Variants in TTC9 observed in about 807,000 individuals in gnomAD.
TTC9 encodes tetratricopeptide repeat protein 9A.
TTC9 carries 13 observed loss-of-function variants against 22.9 expected under a neutral mutation model. The observed-to-expected ratio is 0.57, with a 90% CI of 0.37 to 0.90. TTC9 has a LOEUF of 0.90. TTC9 is among the 40% of genes least tolerant of loss of function. The pLI, the probability that TTC9 is intolerant of heterozygous loss-of-function variation, is 0.01. For synonymous variants in TTC9, 148 were observed against 133.2 expected, an observed-to-expected ratio of 1.11 and a Z score of -0.77; for missense variants, 280 against 291.8, an observed-to-expected ratio of 0.96 and a Z score of 0.29.
chr14:70,642,583 GGTCC>G (rs1566693287), intron 1 of TTC9, 48 bp downstream of exon 1: 16 of 1,464,678 alleles, frequency 1.1e-5, no homozygotes, highest in Admixed American at 2.2e-5. Flanking sequence ...TCTTCGGCCC[GGTCC>G]CTCCGCGGAC....
rs1252468296 is a variant in TTC9 at position 70,675,100 on chromosome 14, G to T, written c.*3945G>T. 1 of 152,078 alleles carries T rather than the reference G, an allele frequency of 6.6e-6. No individual in the cohort carries two copies. Among genetic ancestry groups the T allele is most frequent in the African/African-American group, 2.4e-5 (1 of 41,402 alleles). 9.4% of individuals were successfully genotyped at this position (152,078 alleles called of 1,614,324 possible). On this transcript the variant is annotated 3_prime_UTR_variant, in exon 3 of 3. Coordinates refer to ENST00000256367, the MANE Select transcript of TTC9 (RefSeq NM_015351.2). ...CACTTATCAAATCTTTCCCAATTTGGTAGCTGGGATAATAGTATGTCAATG... is the reference window on the plus strand; with the variant it reads ...CACTTATCAAATCTTTCCCAATTTGTTAGCTGGGATAATAGTATGTCAATG...
At chr14:70,668,427 C>G (rs1886245445) in intron 2 of TTC9, among the ~76,000 whole-genome samples, 1 of 152,102 alleles carries the variant, frequency 6.6e-6, no homozygotes, top group Non-Finnish European at 1.5e-5. Context: ...GGGACAGAAC[C>G]CAGGGAGGGG....
chr14:70,643,997 C>T (rs1317614582), intron 1 of TTC9, among the ~76,000 whole-genome samples: 1 of 152,134 alleles, frequency 6.6e-6, no homozygotes, highest in Non-Finnish European at 1.5e-5. Flanking sequence ...AGCTTGAGTC[C>T]TTTAGTTCCT....
intron 1 of TTC9, among the ~76,000 whole-genome samples, chr14:70,649,067 T>C (rs1165083868): frequency 1.3e-5 from 2 of 152,154 alleles, no homozygotes; most frequent in Non-Finnish European, 2.9e-5. Flanking sequence ...CCTATATAGG[T>C]ACATGGATTC....
At chr14:70,669,906 GGTGTGT>G (rs1566702979) in intron 2 of TTC9, among the ~76,000 whole-genome samples, 1 of 152,204 alleles carries the variant, frequency 6.6e-6, no homozygotes, top group East Asian at 1.9e-4. Context: ...CTTATGTTAT[GGTGTGT>G]GTGGAACTTA....
rs184025656 is a variant in TTC9, at chr14:70,643,377, G to C, written c.406+842G>C. On this transcript the variant is annotated intron_variant, in intron 1 of 2. Coordinates refer to ENST00000256367, the MANE Select transcript of TTC9 (RefSeq NM_015351.2). ...TAAAAATTGTTTAATTTAGGCGCAG[G>C]AATATTTAAAGTCTCTTAAAAAAAG... 1.2e-4 allele frequency among the ~76,000 whole-genome samples: 18 copies of C among 152,278 alleles called. 1 individual carries two copies. In the East Asian group the frequency reaches 3.3e-3, roughly 28 times the overall value.
chr14:70,641,950 T>G lies in TTC9; in HGVS notation c.-180T>G. ...GGCGGCGGCGGCGGCTGGAGCAGCC[T>G]CTGGCAGCAGCGGGGAGAATGGGAG... On this transcript the variant is annotated 5_prime_UTR_variant, in exon 1 of 3. Coordinates refer to ENST00000256367, the MANE Select transcript of TTC9 (RefSeq NM_015351.2). The G allele has an allele frequency of 4.0e-6, 1 of 250,386 alleles. No individual in the cohort carries two copies. Among genetic ancestry groups the G allele is most frequent in the Non-Finnish European group, 6.3e-6 (1 of 157,866 alleles). 15.5% of individuals were successfully genotyped at this position (250,386 alleles called of 1,614,324 possible).
At chr14:70,650,823 ATTTT>A (rs1471795806) in intron 1 of TTC9, among the ~76,000 whole-genome samples, 2 of 135,670 alleles carry the variant, frequency 1.5e-5, no homozygotes, top group African/African-American at 5.1e-5. Context: ...CTTTAATATG[ATTTT>A]CTTTGTGTAG....
At chr14:70,649,924 A>G (rs1885956049) in intron 1 of TTC9, among the ~76,000 whole-genome samples, 1 of 152,308 alleles carries the variant, frequency 6.6e-6, no homozygotes, top group South Asian at 2.1e-4. Flanking sequence ...CTGCCATGTC[A>G]GTAGGAAGGT....
intron 2 of TTC9, among the ~76,000 whole-genome samples, chr14:70,669,248 C>T (rs1886257800): frequency 6.6e-6 from 1 of 151,966 alleles, no homozygotes; most frequent in Non-Finnish European, 1.5e-5. Context: ...ACAACTTTGA[C>T]TTGATGTTGC....
chr14:70,671,357 A>T lies in TTC9; in HGVS notation c.*202A>T, dbSNP rs888224352. 13 of 496,420 alleles carry T rather than the reference A, an allele frequency of 2.6e-5. No individual in the cohort carries two copies. Among genetic ancestry groups the T allele is most frequent in the African/African-American group, 2.5e-4 (13 of 51,358 alleles). The allele number at this position is 496,420 out of a possible 1,614,324, so 30.8% of individuals were successfully genotyped here. Reference sequence around the variant, plus strand: ...ATTTGGAATCTGGTAGGTCGCCCAGACAATGGAGACATCCTCTCCTCTAGC... The same window carrying T: ...ATTTGGAATCTGGTAGGTCGCCCAGTCAATGGAGACATCCTCTCCTCTAGC... On this transcript the variant is annotated 3_prime_UTR_variant, in exon 3 of 3. Transcript: ENST00000256367.
At chr14:70,662,791 G>A (rs1477422953) in intron 1 of TTC9, among the ~76,000 whole-genome samples, 1 of 152,204 alleles carries the variant, frequency 6.6e-6, no homozygotes, top group Non-Finnish European at 1.5e-5. Flanking sequence ...ACCGATGCAT[G>A]CCAAATGGCA....
At chr14:70,656,977 T>G (rs1291335177) in intron 1 of TTC9, among the ~76,000 whole-genome samples, 42 of 152,240 alleles carry the variant, frequency 2.8e-4, no homozygotes, top group Admixed American at 2.7e-3. Flanking sequence ...CTTCTAAGTG[T>G]TCTGCCATAG....
chr14:70,660,995 G>C (rs1886137748), intron 1 of TTC9, among the ~76,000 whole-genome samples: 1 of 151,996 alleles, frequency 6.6e-6, no homozygotes, highest in African/African-American at 2.4e-5. Flanking sequence ...CACACACTGG[G>C]TGACTTAAAA....
chr14:70,668,398 G>GA (rs1295744150), intron 2 of TTC9, among the ~76,000 whole-genome samples: 4 of 151,834 alleles, frequency 2.6e-5, no homozygotes, highest in African/African-American at 7.3e-5. Flanking sequence ...TTGTAAGTGG[G>GA]AAAAAAAAGT....
chr14:70,642,451 G>A lies in TTC9; in HGVS notation c.322G>A (p.Gly108Arg), dbSNP rs1357142176. 3.8e-6 allele frequency: 6 copies of A among 1,559,546 alleles called. No individual in the cohort carries two copies. Among genetic ancestry groups the A allele is most frequent in the Non-Finnish European group, 5.2e-6 (6 of 1,153,356 alleles). ...ERDSRPASPAGALKPGRLSEE... is the reference protein window; with the variant it reads ...ERDSRPASPARALKPGRLSEE... ...GGACTCGCGCCCGGCCTCCCCGGCT[G>A]GGGCCCTGAAGCCCGGCCGCCTCTC... The change falls in exon 1 of 3, where the codon GGG becomes AGG. Residue 108 changes from glycine (G) to arginine (R), a missense_variant. Physicochemically the swap from Gly to Arg is moderately radical, Grantham distance 125. This residue lies in a region of TTC9 where 165 missense variants were observed against 145.4 expected (regional missense o/e 1.14). Transcript: ENST00000256367.
chr14:70,648,031 T>A (rs1885928527), intron 1 of TTC9, among the ~76,000 whole-genome samples: 1 of 152,090 alleles, frequency 6.6e-6, no homozygotes, highest in Admixed American at 6.5e-5. Flanking sequence ...AAAAACTCAG[T>A]GGTGAAAAGG....
At chr14:70,644,019 G>A (rs1885867831) in intron 1 of TTC9, among the ~76,000 whole-genome samples, 1 of 152,166 alleles carries the variant, frequency 6.6e-6, no homozygotes, top group Non-Finnish European at 1.5e-5. Flanking sequence ...TAAGTCTTTG[G>A]CATACTGTCT....
Position 70,650,378 on chromosome 14 carries a change from G to A in TTC9, c.406+7843G>A, listed in dbSNP as rs558232895. 4.6e-5 allele frequency among the ~76,000 whole-genome samples: 7 copies of A among 151,686 alleles called. No individual in the cohort carries two copies. The East Asian group carries it at 1.2e-3, about 25-fold the overall frequency. ...ACGGAGGTTGCGGTGAGCCGAGATT[G>A]CACCACTGCACGCCAGCCTGGGCGA... On this transcript the variant is annotated intron_variant, in intron 1 of 2. Transcript: ENST00000256367.
Sources: gnomAD v4.1 joint callset for allele counts (sites outside exome capture counted in the v4.1 genomes callset) on GRCh38, gnomAD v4.1.1 for gene constraint, gnomAD v4.1.1 regional missense constraint, MANE v1.5 for transcripts, NCBI Gene and HGNC (gene_info 2026-07-23, HGNC 2026-07-21) for gene names.